PCDH15: variants seen among roughly 807,000 people sequenced by gnomAD.
PCDH15 encodes the protein protocadherin related 15.
In PCDH15, 129 loss-of-function variants were observed where a neutral mutation model predicts 178.5. The ratio of observed to expected loss-of-function variants is 0.72; its 90% CI spans 0.63 to 0.84. PCDH15 has a LOEUF of 0.84. Ranked by LOEUF, PCDH15 falls within the 40% of genes least tolerant of loss-of-function variation. The probability of loss-of-function intolerance (pLI) is 0.00; values close to 1 mark genes in which losing one functional copy is unlikely to be tolerated. For synonymous variants in PCDH15, 800 were observed against 732.0 expected (o/e 1.09, Z -1.50); for missense variants, 2,230 against 2,099.9 (o/e 1.06, Z -1.21).
chr10:55,531,984 A>C (rs1002336661), intron 2 of PCDH15, among the ~76,000 whole-genome samples: 7 of 152,020 alleles, frequency 4.6e-5, no homozygotes, highest in African/African-American at 1.7e-4. Context: ...GAAGTGAATA[A>C]ATAGATTTTT....
intron 27 of PCDH15, among the ~76,000 whole-genome samples, chr10:53,861,817 C>T (rs1032843509): frequency 1.3e-5 from 2 of 152,046 alleles, no homozygotes; most frequent in Admixed American, 1.3e-4. Context: ...TGATAGCTAG[C>T]ATATTGGACA....
intron 2 of PCDH15, among the ~76,000 whole-genome samples, chr10:55,587,781 C>A (rs1842755140): frequency 6.6e-6 from 1 of 152,098 alleles, no homozygotes; most frequent in African/African-American, 2.4e-5. Context: ...GTGTTTTCCT[C>A]AAGAATTTCT....
At chr10:54,317,732 A>C (rs959071158) in intron 7 of PCDH15, among the ~76,000 whole-genome samples, 1 of 152,112 alleles carries the variant, frequency 6.6e-6, no homozygotes, top group Non-Finnish European at 1.5e-5. Flanking sequence ...AGATCACGCC[A>C]CTGCACTCCA....
intron 2 of PCDH15, among the ~76,000 whole-genome samples, chr10:55,354,265 T>A (rs1487447117): frequency 6.6e-6 from 1 of 152,098 alleles, no homozygotes; most frequent in Non-Finnish European, 1.5e-5. Context: ...ATTACTCTGA[T>A]CCCTGAAAAC....
rs531707571 is a variant in PCDH15, at chr10:54,736,506, C to A, written c.-29+64419G>T. 3.9e-5 allele frequency among the ~76,000 whole-genome samples: 6 copies of A among 151,950 alleles called. No individual in the cohort carries two copies. The South Asian group carries it at 1.2e-3, about 32-fold the overall frequency. On this transcript the variant is annotated intron_variant, in intron 1 of 37. Transcript: ENST00000644397. ...GCATTACACATGTTGTTGTACTTAT[C>A]TTCTTTCTAAGAATACTTCAATCAT...
At chr10:54,551,611 C>A (rs1449041331) in intron 2 of PCDH15, among the ~76,000 whole-genome samples, 2 of 152,214 alleles carry the variant, frequency 1.3e-5, no homozygotes, top group South Asian at 2.1e-4. Context: ...CTGAATAATA[C>A]ATACCCTTTT....
chr10:54,960,709 G>A (rs920771202), intron 2 of PCDH15, among the ~76,000 whole-genome samples: 7 of 152,170 alleles, frequency 4.6e-5, no homozygotes, highest in Admixed American at 4.6e-4. Flanking sequence ...GTTGAAATTT[G>A]TACCTATAGT....
At chr10:53,848,767 T>C (rs1370868174) in intron 28 of PCDH15, among the ~76,000 whole-genome samples, 1 of 152,078 alleles carries the variant, frequency 6.6e-6, no homozygotes, top group African/African-American at 2.4e-5. Context: ...GGTACCTTCA[T>C]TACGATGATT....
At chr10:54,342,723 G>A (rs1176977817) in intron 6 of PCDH15, among the ~76,000 whole-genome samples, 1 of 152,192 alleles carries the variant, frequency 6.6e-6, no homozygotes, top group African/African-American at 2.4e-5. Context: ...GGCAGCTGCA[G>A]GGGCAGTACC....
chr10:54,978,275 C>A lies in PCDH15; in HGVS notation c.-79-80775G>T, dbSNP rs538974617. Among the ~76,000 whole-genome samples, 4 of 152,134 alleles carry A rather than the reference C, an allele frequency of 2.6e-5. No homozygotes were observed. In the South Asian group the frequency reaches 8.3e-4, roughly 32 times the overall value. ...AGGGAGTCTGGGTTTAGCAATTATA[C>A]CTGTGAAGTAGTGGGGATTCAGTTT... On this transcript the variant is annotated intron_variant, in intron 2 of 5. Coordinates refer to the PCDH15 transcript ENST00000458638.
chr10:54,124,744 T>C (rs1275039343), intron 15 of PCDH15, among the ~76,000 whole-genome samples: 1 of 152,160 alleles, frequency 6.6e-6, no homozygotes, highest in East Asian at 1.9e-4. Context: ...AACTCCTGTA[T>C]CATCTTCAGA....
At chr10:54,791,078 G>A (rs953110983) in intron 1 of PCDH15, among the ~76,000 whole-genome samples, 1 of 151,798 alleles carries the variant, frequency 6.6e-6, no homozygotes, top group Non-Finnish European at 1.5e-5. Context: ...TGCTTTTCAT[G>A]TTTACTAATA....
intron 2 of PCDH15, among the ~76,000 whole-genome samples, chr10:55,466,733 AC>A (rs1839838988): frequency 6.6e-6 from 1 of 152,138 alleles, no homozygotes; most frequent in Non-Finnish European, 1.5e-5. Context: ...AACTGAAATC[AC>A]CTAGGAAAGA....
chr10:53,808,471 C>T, intron 37 of PCDH15: 1 of 1,345,212 alleles, frequency 7.4e-7, no homozygotes, highest in South Asian at 2.1e-5. Context: ...TTCTGATTTA[C>T]TAATATAGGA....
intron 1 of PCDH15, among the ~76,000 whole-genome samples, chr10:54,691,337 C>T (rs1185719535): frequency 6.6e-6 from 1 of 152,042 alleles, no homozygotes; most frequent in African/African-American, 2.4e-5. Context: ...TCAATAACCA[C>T]TAGAAACTCT....
rs1841017473 is a variant in PCDH15 at position 53,804,035 on chromosome 10, A to T, written c.*2544T>A. 6.6e-6 allele frequency: 1 copy of T among 152,010 alleles called. No individual in the cohort carries two copies. The highest frequency in any genetic ancestry group is 6.6e-5 in the Admixed American group (1 of 15,232). 9.4% of individuals were successfully genotyped at this position (152,010 alleles called of 1,614,324 possible). ...ATCCTGAGTCAGGGATTTATAGACT[A>T]GTGAAAGTTCTATGAAAGTAACTAT... On this transcript the variant is annotated 3_prime_UTR_variant, in exon 38 of 38. Transcript: ENST00000644397.
rs1289371239 is a variant in PCDH15, at chr10:54,799,191, C to A, written c.-29+1734G>T. 2.0e-5 allele frequency among the ~76,000 whole-genome samples: 3 copies of A among 151,936 alleles called. No homozygotes were observed. The East Asian group carries it at 5.8e-4, about 29-fold the overall frequency. ...TTTTGCCTTTAATTTCAAACATAAG[C>A]TATGAACCAAATACTGGAGAATTTT... is the stretch of plus-strand genomic sequence containing the variant. On this transcript the variant is annotated intron_variant, in intron 1 of 37. Transcript: ENST00000644397.
intron 28 of PCDH15, among the ~76,000 whole-genome samples, chr10:53,851,871 A>G (rs72793187): frequency 0.18 from 27,939 of 151,282 alleles, 3,060 homozygotes; most frequent in Non-Finnish European, 0.26. Flanking sequence ...CAGGTGCTAC[A>G]TAAATATTTC....
intron 1 of PCDH15, among the ~76,000 whole-genome samples, chr10:54,686,933 A>T (rs546559764): frequency 2.4e-3 from 351 of 144,526 alleles, no homozygotes; most frequent in Non-Finnish European, 4.7e-3. Context: ...GTAACTCAAT[A>T]AAGCATGTGA....
Sources: allele counts gnomAD v4.1 joint callset (sites outside exome capture counted in the v4.1 genomes callset), GRCh38; gene constraint gnomAD v4.1.1; transcripts MANE v1.5; gene names NCBI Gene and HGNC (gene_info 2026-07-23, HGNC 2026-07-21).